TMCC1: variants seen among roughly 807,000 people sequenced by gnomAD.
TMCC1 encodes the protein transmembrane and coiled-coil domains protein 1.
Under a neutral mutation model 52.4 loss-of-function variants are expected in TMCC1, and 15 were observed. That is an observed-to-expected ratio of 0.29 (90% CI 0.19 to 0.44). The LOEUF is 0.44. Ranked by LOEUF, TMCC1 falls within the 20% of genes least tolerant of loss-of-function variation. The probability of loss-of-function intolerance (pLI) is 1.00; values close to 1 mark genes in which losing one functional copy is unlikely to be tolerated. For missense variants in TMCC1, 503 were observed against 806.0 expected (o/e 0.62, Z 4.55); for synonymous variants, 279 against 301.9 (o/e 0.92, Z 0.79).
intron 1 of TMCC1, 140 bp from the exon 2 acceptor site, chr3:129,880,699 C>A (rs2061418467): frequency 6.6e-6 from 1 of 152,054 alleles, no homozygotes; most frequent in South Asian, 2.1e-4. Flanking sequence ...TTTTGAGTCC[C>A]AACATGATGC....
At chr3:129,751,502 C>T (rs2052522233) in intron 4 of TMCC1, among the ~76,000 whole-genome samples, 1 of 151,940 alleles carries the variant, frequency 6.6e-6, no homozygotes, top group South Asian at 2.1e-4. Flanking sequence ...TGCACTCCAG[C>T]CTTTCTGACA....
At chr3:129,887,473 T>G in intron 1 of TMCC1, among the ~76,000 whole-genome samples, 1 of 141,316 alleles carries the variant, frequency 7.1e-6, no homozygotes, top group African/African-American at 2.7e-5. Flanking sequence ...ACCCGGGAGG[T>G]GGAGGCTGCA....
At chr3:129,818,213 G>C (rs2058202573) in intron 4 of TMCC1, among the ~76,000 whole-genome samples, 1 of 151,914 alleles carries the variant, frequency 6.6e-6, no homozygotes, top group Non-Finnish European at 1.5e-5. Flanking sequence ...AAAGTGCTGG[G>C]ATCACAGGTA....
chr3:129,804,701 A>T (rs1245294857), intron 4 of TMCC1, among the ~76,000 whole-genome samples: 1 of 152,124 alleles, frequency 6.6e-6, no homozygotes, highest in African/African-American at 2.4e-5. Context: ...GGCACGGTAT[A>T]TCTAATTGTC....
chr3:129,765,870 C>T (rs943238507), intron 4 of TMCC1, among the ~76,000 whole-genome samples: 7 of 151,478 alleles, frequency 4.6e-5, no homozygotes, highest in Admixed American at 1.3e-4. Context: ...TACTCTAAAA[C>T]TGGGAAGAGG....
Position 129,749,709 on chromosome 3 carries a change from TA to T in TMCC1, c.576+78093del, listed in dbSNP as rs1364443094. 2.2e-4 allele frequency among the ~76,000 whole-genome samples: 34 copies of T among 152,176 alleles called. 1 individual carries two copies. Among genetic ancestry groups the T allele is most frequent in the Non-Finnish European group, 2.9e-5 (2 of 68,024 alleles). ...AAAACAGGATAATAGGAAAAGGGAA[TA>T]TTTAATATGCAGCATGAACCATGTT... On this transcript the variant is annotated intron_variant, in intron 4 of 6. Coordinates refer to ENST00000393238, the MANE Select transcript of TMCC1 (RefSeq NM_001017395.5).
intron 4 of TMCC1, among the ~76,000 whole-genome samples, chr3:129,739,334 A>G (rs542064582): frequency 9.9e-4 from 151 of 152,000 alleles, no homozygotes; most frequent in African/African-American, 3.4e-3. Flanking sequence ...CACCTGGCTA[A>G]TTTTTGTATT....
intron 2 of TMCC1, among the ~76,000 whole-genome samples, chr3:129,878,716 C>T (rs1260338571): frequency 1.3e-5 from 2 of 152,186 alleles, no homozygotes; most frequent in African/African-American, 4.8e-5. Context: ...AGTGTAAATG[C>T]TGAAGTCCTA....
chr3:129,828,104 A>G lies in TMCC1; in HGVS notation c.275T>C (p.Ile92Thr), dbSNP rs1486529130. Residue 92 changes from isoleucine to threonine, a missense_variant, in exon 4 of 7, where the codon ATT becomes ACT. Ile to Thr is a moderately conservative substitution (Grantham distance 89). Around this residue, in one of 7 missense-constraint regions of TMCC1, gnomAD observed 217 missense variants for 297.9 expected, o/e 0.73. Coordinates refer to ENST00000393238, the MANE Select transcript of TMCC1 (RefSeq NM_001017395.5). This position sits in a 1 kb window ranked among gnomAD's most constrained non-coding sequence, Gnocchi z 4.1. ...DLESQNACAE[I>T]DGVPTHPTAL... ...TGTGGGGTGGGTGGGGACACCATCA[A>G]TCTCAGCACATGCGTTCTGGCTTTC... 4 of 1,614,098 alleles carry G rather than the reference A, an allele frequency of 2.5e-6. No individual in the cohort carries two copies. The South Asian group carries it at 3.3e-5, about 13-fold the overall frequency.
chr3:129,674,288 C>T (rs2088210157), intron 4 of TMCC1, among the ~76,000 whole-genome samples: 2 of 152,112 alleles, frequency 1.3e-5, no homozygotes, highest in Non-Finnish European at 1.5e-5. Context: ...CTGTTTGGAG[C>T]CATAGTGTGT....
Position 129,683,055 on chromosome 3 carries a change from G to A in TMCC1, c.577-11791C>T, listed in dbSNP as rs111371213. On this transcript the variant is annotated intron_variant, in intron 4 of 6. Coordinates refer to ENST00000393238, the MANE Select transcript of TMCC1 (RefSeq NM_001017395.5). ...TCTCTACGTTGGTCAGGCTGGTCTC[G>A]AACTCTGGACCTCAGGTGATCCGCC... Among the ~76,000 whole-genome samples, 1,390 of 152,232 alleles carry A rather than the reference G, an allele frequency of 9.1e-3. 24 individuals carry two copies. Among genetic ancestry groups the A allele is most frequent in the African/African-American group, 0.032 (1,322 of 41,530 alleles).
chr3:129,851,173 G>A (rs778271405), intron 2 of TMCC1, among the ~76,000 whole-genome samples: 2 of 146,078 alleles, frequency 1.4e-5, no homozygotes, highest in Non-Finnish European at 3.1e-5. Flanking sequence ...AAATAAATCA[G>A]TACACAGCCA....
intron 4 of TMCC1, among the ~76,000 whole-genome samples, chr3:129,726,645 G>A (rs1256611050): frequency 1.3e-5 from 2 of 151,630 alleles, no homozygotes; most frequent in African/African-American, 2.4e-5. Context: ...TTAGGAAGGC[G>A]AGGTGGGAGG....
At chr3:129,704,627 C>T (rs888521581) in intron 4 of TMCC1, among the ~76,000 whole-genome samples, 2 of 152,140 alleles carry the variant, frequency 1.3e-5, no homozygotes, top group Non-Finnish European at 2.9e-5. Flanking sequence ...CCATGTTGGC[C>T]AGGCTGGTCT....
intron 2 of TMCC1, among the ~76,000 whole-genome samples, chr3:129,853,755 G>A (rs2060019496): frequency 6.6e-6 from 1 of 151,748 alleles, no homozygotes; most frequent in South Asian, 2.1e-4. Flanking sequence ...CCTGAAGATT[G>A]ATACATCTAA....
At chr3:129,866,272 A>T (rs911532010) in intron 2 of TMCC1, among the ~76,000 whole-genome samples, 4 of 139,408 alleles carry the variant, frequency 2.9e-5, no homozygotes, top group Non-Finnish European at 6.2e-5. Flanking sequence ...ATACATATAT[A>T]ATATATATAC....
At chr3:129,787,120 A>G (rs546900708) in intron 4 of TMCC1, among the ~76,000 whole-genome samples, 14 of 152,338 alleles carry the variant, frequency 9.2e-5, no homozygotes, top group Middle Eastern at 6.8e-3. Flanking sequence ...AGAAATCACC[A>G]TATGTTTTAT....
At chr3:129,842,358 C>G (rs1465065881) in intron 2 of TMCC1, among the ~76,000 whole-genome samples, 1 of 152,086 alleles carries the variant, frequency 6.6e-6, no homozygotes, top group Non-Finnish European at 1.5e-5. Flanking sequence ...CCCAGCTACT[C>G]AGGAGACTGA....
chr3:129,803,180 C>A (rs1454720289), intron 4 of TMCC1, among the ~76,000 whole-genome samples: 7 of 152,186 alleles, frequency 4.6e-5, no homozygotes, highest in Admixed American at 4.6e-4. Context: ...ATATTATTCA[C>A]CCTTAAAAAG....
Sources: gnomAD v4.1 joint callset for allele counts (sites outside exome capture counted in the v4.1 genomes callset) on GRCh38, gnomAD v4.1.1 for gene constraint, gnomAD v4.1.1 regional missense constraint, Gnocchi (gnomAD v3.1) non-coding constraint, MANE v1.5 for transcripts, NCBI Gene and HGNC (gene_info 2026-07-23, HGNC 2026-07-21) for gene names.